RBFOX1: variants seen among roughly 807,000 people sequenced by gnomAD.
RBFOX1 encodes RNA binding protein fox-1 homolog 1.
Under a neutral mutation model 57.7 loss-of-function variants are expected in RBFOX1, and 8 were observed. The observed-to-expected ratio is 0.14, with a 90% CI of 0.08 to 0.25. The LOEUF (loss-of-function observed/expected upper bound fraction) is 0.25, where lower values mean the gene tolerates loss of function less well. Among genes scored for constraint, RBFOX1 ranks in the 10% least tolerant of loss-of-function variants. The probability of loss-of-function intolerance (pLI) is 1.00; values close to 1 mark genes in which losing one functional copy is unlikely to be tolerated. For missense variants in RBFOX1, 611 were observed against 548.5 expected (o/e 1.11, Z -1.14); for synonymous variants, 326 against 222.4 (o/e 1.47, Z -4.15).
chr16:7,139,093 C>A (rs2072873055), intron 4 of RBFOX1, among the ~76,000 whole-genome samples: 1 of 151,926 alleles, frequency 6.6e-6, no homozygotes, highest in South Asian at 2.1e-4. Flanking sequence ...CATGAGCCAC[C>A]ATGCATGGTC....
chr16:6,625,765 A>G (rs1489828447), intron 2 of RBFOX1, among the ~76,000 whole-genome samples: 2 of 152,142 alleles, frequency 1.3e-5, no homozygotes, highest in Non-Finnish European at 2.9e-5. Flanking sequence ...TTACATTTGC[A>G]AGTGCATTAA....
chr16:7,094,522 T>C (rs1326391156), intron 4 of RBFOX1, among the ~76,000 whole-genome samples: 1 of 152,210 alleles, frequency 6.6e-6, no homozygotes, highest in Non-Finnish European at 1.5e-5. Context: ...TGCATTCCTA[T>C]GTCATCTTCT....
At chr16:5,941,941 A>G (rs1286469664) in intron 4 of RBFOX1, among the ~76,000 whole-genome samples, 2 of 151,754 alleles carry the variant, frequency 1.3e-5, no homozygotes, top group East Asian at 1.9e-4. Context: ...ATACTAGATA[A>G]CAACGACCAC....
intron 3 of RBFOX1, among the ~76,000 whole-genome samples, chr16:6,861,310 G>A (rs776616204): frequency 1.3e-5 from 2 of 152,120 alleles, no homozygotes; most frequent in African/African-American, 2.4e-5. Context: ...TCCCTTTCGA[G>A]TGCATTGTCT....
intron 4 of RBFOX1, among the ~76,000 whole-genome samples, chr16:7,265,698 C>T (rs1443427948): frequency 1.3e-5 from 2 of 152,214 alleles, no homozygotes; most frequent in East Asian, 3.9e-4. Flanking sequence ...ATCCGCCTGC[C>T]TTAGCCTCCC....
At chr16:6,145,027 A>G (rs147076107) in intron 1 of RBFOX1, among the ~76,000 whole-genome samples, 271 of 152,116 alleles carry the variant, frequency 1.8e-3, no homozygotes, top group African/African-American at 5.7e-3. Flanking sequence ...TTTTAATCAT[A>G]GTATCTCTTT....
intron 2 of RBFOX1, among the ~76,000 whole-genome samples, chr16:6,585,567 A>C (rs1420066): frequency 0.9 from 136,575 of 152,136 alleles, 63,158 homozygotes; most frequent in South Asian, 1. Context: ...TGTTTAATTC[A>C]CTGCGGTGGG....
At chr16:5,776,388 A>G (rs1156673003) in intron 3 of RBFOX1, among the ~76,000 whole-genome samples, 1 of 152,156 alleles carries the variant, frequency 6.6e-6, no homozygotes, top group African/African-American at 2.4e-5. Flanking sequence ...GCAGCATGAG[A>G]CCACGGCCAC....
intron 2 of RBFOX1, among the ~76,000 whole-genome samples, chr16:6,448,571 C>A (rs919329279): frequency 6.6e-6 from 1 of 152,138 alleles, no homozygotes; most frequent in Admixed American, 6.5e-5. Flanking sequence ...TTTACCTGCC[C>A]ATAGCACCCT....
chr16:5,432,093 G>C (rs2067756273), intron 1 of RBFOX1, among the ~76,000 whole-genome samples: 1 of 152,140 alleles, frequency 6.6e-6, no homozygotes, highest in Non-Finnish European at 1.5e-5. Flanking sequence ...CTGAGACTTT[G>C]AGGTTCAGGC....
intron 3 of RBFOX1, among the ~76,000 whole-genome samples, chr16:5,658,378 C>G (rs927269768): frequency 2.0e-5 from 3 of 152,100 alleles, no homozygotes; most frequent in African/African-American, 4.8e-5. Flanking sequence ...CCTTCCTGAG[C>G]CTGAGCCTTG....
At chr16:6,504,484 G>A (rs1027450377) in intron 2 of RBFOX1, among the ~76,000 whole-genome samples, 5 of 152,140 alleles carry the variant, frequency 3.3e-5, no homozygotes, top group African/African-American at 2.4e-5. Context: ...ATTTGCATGA[G>A]ACCTTTGTAA....
At chr16:7,158,291 A>G (rs953608690) in intron 4 of RBFOX1, among the ~76,000 whole-genome samples, 1 of 152,156 alleles carries the variant, frequency 6.6e-6, no homozygotes, top group Non-Finnish European at 1.5e-5. Context: ...GGTTGCAGTG[A>G]GCTGAGATCA....
intron 2 of RBFOX1, among the ~76,000 whole-genome samples, chr16:5,518,275 T>G (rs952741156): frequency 6.6e-6 from 1 of 152,212 alleles, no homozygotes. Flanking sequence ...GTGTGGGTTC[T>G]TCTGAGTTAG....
intron 2 of RBFOX1, among the ~76,000 whole-genome samples, chr16:5,523,432 T>C (rs35903548): frequency 0.068 from 10,295 of 151,792 alleles, 597 homozygotes; most frequent in Non-Finnish European, 0.096. Flanking sequence ...CTGAACAAGA[T>C]GGTGAAACCC....
chr16:7,400,335 T>A (rs904425835), intron 4 of RBFOX1, among the ~76,000 whole-genome samples: 1 of 152,000 alleles, frequency 6.6e-6, no homozygotes, highest in Non-Finnish European at 1.5e-5. Context: ...CTGCCCCCTC[T>A]CTCCTCCCAC....
intron 3 of RBFOX1, among the ~76,000 whole-genome samples, chr16:5,785,171 A>G (rs571007622): frequency 1.2e-4 from 19 of 152,296 alleles, no homozygotes; most frequent in African/African-American, 3.6e-4. Flanking sequence ...GGGACATTCA[A>G]CGGTCCTTGC....
intron 4 of RBFOX1, among the ~76,000 whole-genome samples, chr16:5,984,080 T>TCCTCCTCCCTCCCACTCCC (rs1375758072): frequency 1.3e-4 from 1 of 7,646 alleles, no homozygotes; most frequent in African/African-American, 7.1e-4. Context: ...CCACTCCCCC[T>TCCTCCTCCCTCCCACTCCC]CCTCCTCCTC....
chr16:6,463,814 A>C (rs2094976660), intron 2 of RBFOX1, among the ~76,000 whole-genome samples: 1 of 152,172 alleles, frequency 6.6e-6, no homozygotes, highest in Non-Finnish European at 1.5e-5. Flanking sequence ...GCCCATCACT[A>C]AACAATCCCC....
Sources: gnomAD v4.1 joint callset for allele counts (sites outside exome capture counted in the v4.1 genomes callset) on GRCh38, gnomAD v4.1.1 for gene constraint, MANE v1.5 for transcripts, NCBI Gene and HGNC (gene_info 2026-07-23, HGNC 2026-07-21) for gene names.